Variants in ABCA12 observed in about 807,000 individuals in gnomAD.
The protein encoded by ABCA12 is glucosylceramide transporter ABCA12.
A neutral mutation model predicts 293.5 loss-of-function variants in ABCA12; 156 were observed. The observed-to-expected ratio is 0.53, with a 90% CI of 0.47 to 0.61. ABCA12 has a LOEUF of 0.61. Ranked by LOEUF, ABCA12 falls within the 20% of genes least tolerant of loss-of-function variation. The probability of loss-of-function intolerance (pLI) is 0.00; values close to 1 mark genes in which losing one functional copy is unlikely to be tolerated. For missense variants in ABCA12, 2,797 were observed against 3,090.2 expected (o/e 0.91, Z 2.25); for synonymous variants, 1,063 against 1,108.0 (o/e 0.96, Z 0.81).
chr2:215,017,593 G>C (rs1700532140), intron 14 of ABCA12: 1 of 165,870 alleles, frequency 6.0e-6, no homozygotes, highest in South Asian at 1.5e-4. Flanking sequence ...CATTTGAGTA[G>C]GTACAAATTC....
chr2:215,087,574 T>G, intron 2 of ABCA12, among the ~76,000 whole-genome samples: 1 of 151,942 alleles, frequency 6.6e-6, no homozygotes, highest in East Asian at 1.9e-4. Context: ...CAAGTATATG[T>G]ACAAAACAAT....
intron 44 of ABCA12, 126 bp from the exon 45 acceptor site, chr2:214,951,209 G>T: frequency 2.4e-6 from 2 of 843,472 alleles, no homozygotes; most frequent in Non-Finnish European, 3.9e-6. Context: ...TTTTACATTT[G>T]TAATGAATTA....
At chr2:215,078,517 T>C (rs180739374) in intron 2 of ABCA12, among the ~76,000 whole-genome samples, 63 of 152,360 alleles carry the variant, frequency 4.1e-4, no homozygotes, top group Non-Finnish European at 7.2e-4. Flanking sequence ...TCCCAGTTCT[T>C]ATGCAGTCCT....
intron 5 of ABCA12, among the ~76,000 whole-genome samples, chr2:215,051,084 T>C (rs74633563): frequency 0.012 from 1,770 of 152,254 alleles, 14 homozygotes; most frequent in Non-Finnish European, 0.018. Context: ...TTTTGGAGAA[T>C]AGCATTGCTC....
chr2:215,104,561 C>A (rs1702423762), intron 2 of ABCA12, among the ~76,000 whole-genome samples: 2 of 152,202 alleles, frequency 1.3e-5, no homozygotes, highest in African/African-American at 4.8e-5. Context: ...GGGTCCCAAT[C>A]AAATCCCAAT....
intron 2 of ABCA12, among the ~76,000 whole-genome samples, chr2:215,083,859 T>G (rs753964943): frequency 3.3e-4 from 50 of 152,236 alleles, no homozygotes; most frequent in Non-Finnish European, 6.2e-4. Context: ...AAGCTACCAT[T>G]AATCCATCAA....
intron 6 of ABCA12, 147 bp downstream of exon 6, chr2:215,049,479 A>T: frequency 1.3e-6 from 1 of 793,192 alleles, no homozygotes; most frequent in Non-Finnish European, 2.0e-6. Context: ...ACTACTTAAG[A>T]TTAAACTTTG....
intron 2 of ABCA12, chr2:215,085,617 A>G (rs959069669): frequency 6.6e-6 from 1 of 152,242 alleles, no homozygotes; most frequent in Non-Finnish European, 1.5e-5. Flanking sequence ...GCTTTTATAC[A>G]TGTAACAATT....
rs1172371080 is a variant in ABCA12 at position 215,004,251 on chromosome 2, CCA to C, written c.2639_2640del (p.Val880GlyfsTer6). 3 of 1,613,810 alleles carry C rather than the reference CCA, an allele frequency of 1.9e-6. No individual in the cohort carries two copies. On this transcript the variant is annotated frameshift_variant, in exon 20 of 53. Coordinates refer to ENST00000272895, the MANE Select transcript of ABCA12 (RefSeq NM_173076.3). LOFTEE classifies it high-confidence loss of function. ...TTCAATAGTTCAACAGCATCGAGTC[CCA>C]CGGAGAACTTTACAAAAACTTGCAC... ...PFVQVFVKFS[V>X]GLDAVELLKQ...
chr2:214,977,878 T>TC (rs1300505322), intron 33 of ABCA12, among the ~76,000 whole-genome samples: 3 of 115,558 alleles, frequency 2.6e-5, no homozygotes, highest in Non-Finnish European at 5.9e-5. Context: ...TCCTTTTTTT[T>TC]CCTTTTTTTT....
chr2:214,943,501 A>G (rs757133647), intron 49 of ABCA12, among the ~76,000 whole-genome samples: 2 of 152,016 alleles, frequency 1.3e-5, no homozygotes, highest in Non-Finnish European at 2.9e-5. Flanking sequence ...ACAAAAGCCA[A>G]TCTCTTAAAA....
chr2:214,972,312 C>T (rs1210605267), intron 36 of ABCA12, among the ~76,000 whole-genome samples: 1 of 152,002 alleles, frequency 6.6e-6, no homozygotes, highest in South Asian at 2.1e-4. Context: ...GCAAAGTGAC[C>T]TCATTGTTAT....
chr2:215,033,871 G>C lies in ABCA12; in HGVS notation c.986-1975C>G, dbSNP rs190244771. On this transcript the variant is annotated intron_variant, in intron 8 of 52. Transcript: ENST00000272895. ...CAGGAGAATGGCGTGAACCCGGGAG[G>C]TGGAGCTTGCAGTGAGCCGAGATCA... Among the ~76,000 whole-genome samples the C allele has an allele frequency of 1.9e-3, 284 of 152,054 alleles. 1 individual carries two copies. The highest frequency in any genetic ancestry group is 3.5e-3 in the South Asian group (17 of 4,822).
At position 214,932,491 on chromosome 2, in the gene ABCA12, T is replaced by TGTTA. The variant is rs1698089327; in HGVS notation, c.*139_*142dup. Reference sequence around the variant, plus strand: ...GGAAAAATTTCCTTTTATAATTACTTGTTAGTCTAACACAGTTGTAACTTT... The same window carrying TGTTA: ...GGAAAAATTTCCTTTTATAATTACTTGTTAGTTAGTCTAACACAGTTGTAACTTT... On this transcript the variant is annotated 3_prime_UTR_variant, in exon 53 of 53. Coordinates refer to ENST00000272895, the MANE Select transcript of ABCA12 (RefSeq NM_173076.3). The TGTTA allele has an allele frequency of 1.4e-6, 1 of 715,732 alleles. No individual in the cohort carries two copies. The highest frequency in any genetic ancestry group is 1.8e-5 in the African/African-American group (1 of 55,920). The allele number at this position is 715,732 out of a possible 1,614,324, so 44.3% of individuals were successfully genotyped here. A position where few individuals can be genotyped will look rare whatever the true frequency, so the allele number is the denominator to read the frequency against.
chr2:215,020,823 G>A (rs556870457), intron 11 of ABCA12: 1 of 151,958 alleles, frequency 6.6e-6, no homozygotes, highest in East Asian at 1.9e-4. Flanking sequence ...TTACCCTCTT[G>A]AGTAAGTAGC....
intron 17 of ABCA12, among the ~76,000 whole-genome samples, chr2:215,010,888 T>C (rs1159075347): frequency 6.6e-6 from 1 of 152,216 alleles, no homozygotes; most frequent in African/African-American, 2.4e-5. Flanking sequence ...CCAGTTGCTA[T>C]ACTAAACACC....
intron 22 of ABCA12, among the ~76,000 whole-genome samples, chr2:214,999,528 G>C (rs1318915732): frequency 6.6e-6 from 1 of 152,190 alleles, no homozygotes; most frequent in Admixed American, 6.5e-5. Flanking sequence ...CAGTGTATAT[G>C]TGTGTAAGGC....
chr2:215,120,972 CT>C (rs1421427675), intron 1 of ABCA12, among the ~76,000 whole-genome samples: 2 of 152,256 alleles, frequency 1.3e-5, no homozygotes, highest in East Asian at 3.9e-4. Context: ...GTCAAGTGGT[CT>C]TCTTATAATT....
At chr2:215,025,958 G>A (rs1414214955) in intron 10 of ABCA12, among the ~76,000 whole-genome samples, 179 bp from the exon 11 acceptor site, 1 of 152,122 alleles carries the variant, frequency 6.6e-6, no homozygotes, top group Non-Finnish European at 1.5e-5. Flanking sequence ...GGACAACAGA[G>A]TTCATTATTT....
Sources: allele counts gnomAD v4.1 joint callset (sites outside exome capture counted in the v4.1 genomes callset), GRCh38; gene constraint gnomAD v4.1.1; transcripts MANE v1.5; gene names NCBI Gene and HGNC (gene_info 2026-07-23, HGNC 2026-07-21).